KDM6A: variants seen among roughly 807,000 people sequenced by gnomAD.
KDM6A encodes lysine-specific demethylase 6A.
A neutral mutation model predicts 117.6 loss-of-function variants in KDM6A; 11 were observed. That is an observed-to-expected ratio of 0.09 (90% confidence interval 0.06 to 0.15). The LOEUF (loss-of-function observed/expected upper bound fraction) is 0.15. Among genes scored for constraint, KDM6A ranks in the 10% least tolerant of loss-of-function variants. The pLI, the probability that KDM6A is intolerant of heterozygous loss-of-function variation, is 1.00. For synonymous variants in KDM6A, 384 were observed against 396.1 expected, an observed-to-expected ratio of 0.97 and a Z score of 0.36; for missense variants, 799 against 1,077.3, an observed-to-expected ratio of 0.74 and a Z score of 3.62.
At chrX:45,060,535 A>G in intron 13 of KDM6A, 74 bp from the exon 14 acceptor site, 1 of 824,432 alleles carries the variant, frequency 1.2e-6, no homozygotes, top group Non-Finnish European at 1.6e-6. Flanking sequence ...TGCAGCTTGT[A>G]AAGTTTTATA....
intron 5 of KDM6A, among the ~76,000 whole-genome samples, chrX:45,019,418 C>T (rs1053889192): frequency 8.9e-6 from 1 of 111,835 alleles, no homozygotes; most frequent in Non-Finnish European, 1.9e-5. Flanking sequence ...CCTTTTAGGA[C>T]TCTTAATTTT....
intron 4 of KDM6A, among the ~76,000 whole-genome samples, chrX:44,997,495 G>A (rs1312453917): frequency 1.8e-5 from 2 of 111,520 alleles, no homozygotes; most frequent in East Asian, 2.8e-4. Context: ...TGTTCCTCTC[G>A]CCATCTAGCA....
At chrX:44,942,345 T>A (rs1316296255) in intron 2 of KDM6A, among the ~76,000 whole-genome samples, 1 of 110,870 alleles carries the variant, frequency 9.0e-6, no homozygotes, top group Non-Finnish European at 1.9e-5. Context: ...TCTGTTTTTT[T>A]AAGAAATTGT....
rs1201454112 is a variant in KDM6A, at chrX:44,961,377, G to A, written c.319G>A (p.Glu107Lys). The change falls in exon 3 of 30, where the codon GAA becomes AAA. Residue 107 changes from glutamate (E) to lysine (K), a missense_variant. Transcript: ENST00000611820. ...ATTAGGTCACTTCAACCTCTTATTG[G>A]AAGATTATCCAAAAGGTAATTTTTT... ...CQLGHFNLLL[E>K]DYPKALSAYQ... 2.6e-6 allele frequency: 3 copies of A among 1,153,840 alleles called. No homozygotes were observed. Among genetic ancestry groups the A allele is most frequent in the African/African-American group, 1.8e-5 (1 of 56,120 alleles).
At chrX:45,041,821 A>G (rs1411057507) in intron 8 of KDM6A, among the ~76,000 whole-genome samples, 1 of 110,465 alleles carries the variant, frequency 9.1e-6, no homozygotes, top group Non-Finnish European at 1.9e-5. Flanking sequence ...GGGGCCAGGC[A>G]GAGACGCTCC....
intron 2 of KDM6A, among the ~76,000 whole-genome samples, chrX:44,932,112 T>A (rs897575570): frequency 2.8e-4 from 16 of 57,055 alleles, no homozygotes; most frequent in East Asian, 8.0e-4. Flanking sequence ...TTTTTTTTTT[T>A]AAGATGGAGT....
At chrX:44,888,680 T>G (rs1008582028) in intron 2 of KDM6A, among the ~76,000 whole-genome samples, 1 of 112,146 alleles carries the variant, frequency 8.9e-6, no homozygotes, top group African/African-American at 3.2e-5. Context: ...ACCATTTAGT[T>G]AGTTTTAGAC....
In KDM6A at chrX:45,110,153, T is replaced by C. The variant is rs771882363; in HGVS notation, c.4236T>C (p.Asp1412=). The C allele has an allele frequency of 1.5e-5, 18 of 1,207,945 alleles. No individual in the cohort carries two copies. Among genetic ancestry groups the C allele is most frequent in the Non-Finnish European group, 1.9e-5 (17 of 893,527 alleles). Residue 1412 remains aspartate, a synonymous_variant, in exon 29 of 30, where the codon GAT becomes GAC. Transcript: ENST00000611820. ...AGACCTACATAGTACATTGCCAAGA[T>C]TGTGCACGAAAAACAAGCGGAAACT... ...SRKTYIVHCQ[D]CARKTSGNLE...
At chrX:44,876,872 C>T (rs756805765) in intron 2 of KDM6A, among the ~76,000 whole-genome samples, 45 of 110,834 alleles carry the variant, frequency 4.1e-4, no homozygotes, top group African/African-American at 1.3e-3. Flanking sequence ...CATATATACA[C>T]ACGTGTACAT....
chrX:44,954,132 A>G (rs7887152), intron 2 of KDM6A, among the ~76,000 whole-genome samples: 4,140 of 110,081 alleles, frequency 0.038, 222 homozygotes, highest in African/African-American at 0.13. Flanking sequence ...AAAAAAGTAT[A>G]ATGTGTTGAC....
chrX:44,988,247 T>G (rs2040357663), intron 4 of KDM6A, among the ~76,000 whole-genome samples: 2 of 112,045 alleles, frequency 1.8e-5, no homozygotes, highest in African/African-American at 6.5e-5. Context: ...GTGCCTTGGT[T>G]TTCAGCTCCA....
At chrX:45,070,602 A>G (rs1459868542) in intron 18 of KDM6A, among the ~76,000 whole-genome samples, 1 of 111,177 alleles carries the variant, frequency 9.0e-6, no homozygotes, top group East Asian at 2.8e-4. Context: ...TCTACTGGTT[A>G]CTAGGTTGTC....
At chrX:44,990,424 C>T (rs1467496455) in intron 4 of KDM6A, among the ~76,000 whole-genome samples, 1 of 110,498 alleles carries the variant, frequency 9.0e-6, no homozygotes, top group African/African-American at 3.3e-5. Context: ...CTTGTAATCC[C>T]AGCTACTCAG....
intron 27 of KDM6A, among the ~76,000 whole-genome samples, chrX:45,096,023 A>G (rs1373497054): frequency 3.6e-5 from 4 of 111,180 alleles, no homozygotes; most frequent in Non-Finnish European, 7.5e-5. Flanking sequence ...CAGTTTTTAC[A>G]TCTCCCCCTT....
chrX:44,944,713 A>G (rs772069132), intron 2 of KDM6A, among the ~76,000 whole-genome samples: 2 of 107,605 alleles, frequency 1.9e-5, no homozygotes, highest in Non-Finnish European at 3.8e-5. Context: ...TTTTCTTCCA[A>G]TTGTTCATTG....
intron 2 of KDM6A, among the ~76,000 whole-genome samples, chrX:44,876,933 G>A (rs745912199): frequency 8.3e-4 from 84 of 101,580 alleles, no homozygotes; most frequent in South Asian, 2.0e-3. Flanking sequence ...ATACATATAC[G>A]CATATACACA....
intron 6 of KDM6A, among the ~76,000 whole-genome samples, chrX:45,026,279 T>A (rs1308411609): frequency 1.8e-5 from 2 of 111,887 alleles, no homozygotes; most frequent in Non-Finnish European, 3.8e-5. Flanking sequence ...AAGTGGCAGC[T>A]CCACTGTCTT....
At chrX:44,883,821 T>G (rs1162815081) in intron 2 of KDM6A, among the ~76,000 whole-genome samples, 1 of 111,269 alleles carries the variant, frequency 9.0e-6, no homozygotes, top group Non-Finnish European at 1.9e-5. Context: ...AAGTATAAAC[T>G]GAGCGTGGAG....
Position 45,062,702 on chromosome X carries a change from T to C in KDM6A, c.1637T>C (p.Met546Thr), listed in dbSNP as rs1282907228. The change falls in exon 16 of 30, where the codon ATG (methionine) becomes ACG (threonine). Residue 546 changes from methionine to threonine, a missense_variant. Transcript: ENST00000611820. ...RNNLNPAQKLMLEQLESQFVL... is the reference protein window; with the variant it reads ...RNNLNPAQKLTLEQLESQFVL... ...AATTTAAATCCAGCACAGAAACTGA[T>C]GCTGGAACAGCTGGAAAGTCAGTTT... The C allele has an allele frequency of 2.5e-6, 3 of 1,206,528 alleles. No individual in the cohort carries two copies. The highest frequency in any genetic ancestry group is 3.5e-5 in the African/African-American group (2 of 57,340).
Sources: allele counts gnomAD v4.1 joint callset (sites outside exome capture counted in the v4.1 genomes callset), GRCh38; gene constraint gnomAD v4.1.1; transcripts MANE v1.5; gene names NCBI Gene and HGNC (gene_info 2026-07-23, HGNC 2026-07-21).